The following FUBP3 variants were observed in gnomAD, a reference collection of about 807,000 sequenced individuals.
FUBP3 encodes far upstream element-binding protein 3.
Under a neutral mutation model 85.6 loss-of-function variants are expected in FUBP3, and 28 were observed. The ratio of observed to expected loss-of-function variants is 0.33; its 90% CI spans 0.24 to 0.45. FUBP3 has a LOEUF of 0.45. Among genes scored for constraint, FUBP3 ranks in the 20% least tolerant of loss-of-function variants. The pLI, the probability that FUBP3 is intolerant of heterozygous loss-of-function variation, is 1.00. For missense variants in FUBP3, 583 were observed against 755.1 expected, an observed-to-expected ratio of 0.77 and a Z score of 2.67; for synonymous variants, 271 against 271.4, an observed-to-expected ratio of 1.00 and a Z score of 0.01.
intron 2 of FUBP3, among the ~76,000 whole-genome samples, chr9:130,599,289 C>A (rs561473602): frequency 6.6e-5 from 10 of 151,656 alleles, no homozygotes; most frequent in African/African-American, 2.2e-4. Context: ...GAGACTCCAT[C>A]TCAAAAAATA....
At chr9:130,630,246 C>T (rs559451375) in intron 12 of FUBP3, among the ~76,000 whole-genome samples, 235 of 152,364 alleles carry the variant, frequency 1.5e-3, no homozygotes, top group African/African-American at 5.5e-3. Context: ...CTAAGAAGGG[C>T]AGTGCCATCC....
intron 8 of FUBP3, 135 bp from the exon 9 acceptor site, chr9:130,620,219 A>G (rs1829691168): frequency 1.9e-6 from 1 of 535,028 alleles, no homozygotes; most frequent in East Asian, 3.1e-5. Flanking sequence ...ATGTCCCATA[A>G]GCCATAAGTG....
At chr9:130,593,200 G>A (rs538191209) in intron 1 of FUBP3, among the ~76,000 whole-genome samples, 28 of 152,280 alleles carry the variant, frequency 1.8e-4, no homozygotes, top group South Asian at 6.2e-4. Flanking sequence ...TCCTAAGCAC[G>A]CTCTGTGTGA....
At chr9:130,596,887 C>T (rs1357858234) in intron 2 of FUBP3, among the ~76,000 whole-genome samples, 1 of 152,064 alleles carries the variant, frequency 6.6e-6, no homozygotes, top group East Asian at 1.9e-4. Flanking sequence ...GTATCCATCC[C>T]CTCAAGCATT....
At chr9:130,626,771 C>T (rs1326186116) in intron 12 of FUBP3, among the ~76,000 whole-genome samples, 1 of 152,168 alleles carries the variant, frequency 6.6e-6, no homozygotes, top group Non-Finnish European at 1.5e-5. Context: ...TTGAGGGCAG[C>T]TTAGCTTGGT....
chr9:130,615,441 T>C (rs1831953190), intron 6 of FUBP3, among the ~76,000 whole-genome samples: 1 of 152,224 alleles, frequency 6.6e-6, no homozygotes, highest in Non-Finnish European at 1.5e-5. Flanking sequence ...CAAATTTCAT[T>C]GTCTTCAGTG....
At chr9:130,626,978 C>T (rs1405801986) in intron 12 of FUBP3, among the ~76,000 whole-genome samples, 2 of 152,198 alleles carry the variant, frequency 1.3e-5, no homozygotes, top group Non-Finnish European at 1.5e-5. Flanking sequence ...TGGTTTTTAT[C>T]CTTTCTGCAT....
At chr9:130,636,772 G>A (rs1413373420) in intron 18 of FUBP3, among the ~76,000 whole-genome samples, 1 of 152,180 alleles carries the variant, frequency 6.6e-6, no homozygotes, top group African/African-American at 2.4e-5. Context: ...CTGCCAAATT[G>A]GCCGTCTGGG....
In FUBP3 at chr9:130,637,853, CTG is replaced by C. The variant is rs1297572880; in HGVS notation, c.*834_*835del. The C allele has an allele frequency of 2.6e-5, 4 of 152,578 alleles. No homozygotes were observed. 9.5% of individuals were successfully genotyped at this position (152,578 alleles called of 1,614,324 possible). A position where few individuals can be genotyped will look rare whatever the true frequency, so the allele number is the denominator to read the frequency against. On this transcript the variant is annotated 3_prime_UTR_variant, in exon 19 of 19. Transcript: ENST00000319725. Reference sequence around the variant, plus strand: ...AATTCAATATAACTTTTAACACACACTGTGGAACATTAAACCGTATAAAAATG... The same window carrying C: ...AATTCAATATAACTTTTAACACACACTGGAACATTAAACCGTATAAAAATG...
At chr9:130,608,971 AATCGATCC>A (rs1236054200) in intron 2 of FUBP3, among the ~76,000 whole-genome samples, 1 of 152,244 alleles carries the variant, frequency 6.6e-6, no homozygotes. Flanking sequence ...AAGTGGGTGT[AATCGATCC>A]TTTGCGACTT....
intron 1 of FUBP3, among the ~76,000 whole-genome samples, chr9:130,587,810 C>T (rs1287490429): frequency 3.9e-5 from 6 of 152,130 alleles, no homozygotes; most frequent in Admixed American, 1.3e-4. Context: ...GTCCTCAGCT[C>T]TCATAGTGGG....
rs754561932 is a variant in FUBP3, at chr9:130,622,657, A to G, written c.772-51A>G. 8 of 911,326 alleles carry G rather than the reference A, an allele frequency of 8.8e-6. No individual in the cohort carries two copies. In the East Asian group the frequency reaches 2.1e-4, roughly 24 times the overall value. 56.5% of individuals were successfully genotyped at this position (911,326 alleles called of 1,614,324 possible). A position where few individuals can be genotyped will look rare whatever the true frequency, so the allele number is the denominator to read the frequency against. On this transcript the variant is annotated intron_variant, in intron 9 of 18. Transcript: ENST00000319725. ...AAAAAAAAAAAAAAGTGCCCTTTAA[A>G]AAGACAGGTTTGTGAAAAGTTCTGA...
chr9:130,599,365 G>GTA (rs1345022951), intron 2 of FUBP3, among the ~76,000 whole-genome samples: 2 of 40,202 alleles, frequency 5.0e-5, no homozygotes, highest in Non-Finnish European at 1.0e-4. Flanking sequence ...GTATATGTGT[G>GTA]TGTGTGTGTG....
chr9:130,621,820 G>A (rs1829759780), intron 9 of FUBP3, among the ~76,000 whole-genome samples: 1 of 151,596 alleles, frequency 6.6e-6, no homozygotes, highest in Admixed American at 6.6e-5. Flanking sequence ...CAGGAGAATG[G>A]CGTGAACCTG....
At chr9:130,605,445 GA>G (rs376126747) in intron 2 of FUBP3, among the ~76,000 whole-genome samples, 149 of 152,392 alleles carry the variant, frequency 9.8e-4, no homozygotes, top group African/African-American at 3.5e-3. Flanking sequence ...AGGGGAAGAT[GA>G]AGGGGTACAG....
At chr9:130,624,329 G>C (rs1223426474) in intron 11 of FUBP3, among the ~76,000 whole-genome samples, 1 of 152,224 alleles carries the variant, frequency 6.6e-6, no homozygotes, top group Non-Finnish European at 1.5e-5. Context: ...AGGGTGCTTT[G>C]CACCAGGCAG....
chr9:130,609,592 G>A (rs1220170590), intron 2 of FUBP3, among the ~76,000 whole-genome samples: 1 of 152,230 alleles, frequency 6.6e-6, no homozygotes, highest in East Asian at 1.9e-4. Context: ...GTTTTTAAAA[G>A]AGAAAGAAGG....
In FUBP3 at chr9:130,636,110, C is replaced by T. The variant is rs775949639; in HGVS notation, c.1694C>T (p.Ala565Val). 15 of 1,613,206 alleles carry T rather than the reference C, an allele frequency of 9.3e-6. No individual in the cohort carries two copies. Among genetic ancestry groups the T allele is most frequent in the African/African-American group, 5.3e-5 (4 of 74,934 alleles). ...TTCTACGGACAGACGTTAGGGCAGG[C>T]GCAGGCCCACAGCCAGGTCTGTAGC... The part of the protein sequence containing the change: ...VAFYGQTLGQ[A>V]QAHSQEQ Residue 565 changes from alanine to valine, a missense_variant, in exon 18 of 19, where the codon GCG (alanine) becomes GTG (valine). Ala to Val is a moderately conservative substitution (Grantham distance 64). Around this residue, in one of 3 missense-constraint regions of FUBP3, gnomAD observed 404 missense variants for 516.8 expected, o/e 0.78. Coordinates refer to ENST00000319725, the MANE Select transcript of FUBP3 (RefSeq NM_003934.2).
chr9:130,588,626 C>T (rs1830452416), intron 1 of FUBP3, among the ~76,000 whole-genome samples: 1 of 152,184 alleles, frequency 6.6e-6, no homozygotes, highest in Admixed American at 6.5e-5. Flanking sequence ...GATACAATTC[C>T]AGGCAAACTG....
Sources: gnomAD v4.1 joint callset for allele counts (sites outside exome capture counted in the v4.1 genomes callset) on GRCh38, gnomAD v4.1.1 for gene constraint, gnomAD v4.1.1 regional missense constraint, MANE v1.5 for transcripts, NCBI Gene and HGNC (gene_info 2026-07-23, HGNC 2026-07-21) for gene names.